Variants in ROBO2 observed in about 807,000 individuals in gnomAD.
The protein encoded by ROBO2 is roundabout homolog 2.
A neutral mutation model predicts 160.8 loss-of-function variants in ROBO2; 53 were observed. That is an observed-to-expected ratio of 0.33 (90% CI 0.26 to 0.41). The LOEUF (loss-of-function observed/expected upper bound fraction) is 0.41, where lower values mean the gene tolerates loss of function less well. Among genes scored for constraint, ROBO2 ranks in the 10% least tolerant of loss-of-function variants. The probability of loss-of-function intolerance (pLI) is 1.00; values close to 1 mark genes in which losing one functional copy is unlikely to be tolerated. For synonymous variants in ROBO2, 664 were observed against 611.7 expected (o/e 1.09, Z -1.26); for missense variants, 1,577 against 1,722.4 (o/e 0.92, Z 1.49).
At chr3:77,223,727 G>A (rs2086125971) in intron 2 of ROBO2, among the ~76,000 whole-genome samples, 1 of 152,012 alleles carries the variant, frequency 6.6e-6, no homozygotes, top group Non-Finnish European at 1.5e-5. Context: ...TGAAATCTGT[G>A]ACCTAGATTA....
intron 2 of ROBO2, among the ~76,000 whole-genome samples, chr3:77,302,689 G>T (rs1431962214): frequency 1.3e-5 from 2 of 151,978 alleles, no homozygotes; most frequent in African/African-American, 4.8e-5. Context: ...TGTAATTTCA[G>T]GTATCTATTG....
intron 1 of ROBO2, among the ~76,000 whole-genome samples, chr3:77,082,421 T>C (rs1439730597): frequency 1.3e-5 from 2 of 152,090 alleles, no homozygotes; most frequent in Non-Finnish European, 2.9e-5. Flanking sequence ...CTCTTAGCCC[T>C]GCCTGTGTTT....
At chr3:76,268,235 A>G (rs186747120) in intron 2 of ROBO2, among the ~76,000 whole-genome samples, 2 of 150,048 alleles carry the variant, frequency 1.3e-5, no homozygotes, top group East Asian at 4.0e-4. Flanking sequence ...GTGCCATTGC[A>G]CCCCATCCTG....
At chr3:77,335,557 C>T (rs1381831439) in intron 2 of ROBO2, among the ~76,000 whole-genome samples, 2 of 152,170 alleles carry the variant, frequency 1.3e-5, no homozygotes, top group African/African-American at 4.8e-5. Context: ...CTTCTATTCA[C>T]TCACCTAGGC....
intron 2 of ROBO2, among the ~76,000 whole-genome samples, chr3:77,415,430 G>A (rs752005672): frequency 6.6e-6 from 1 of 152,158 alleles, no homozygotes; most frequent in Non-Finnish European, 1.5e-5. Context: ...ATTGAAGGTT[G>A]AAAACCATTG....
At chr3:76,177,832 ATTG>A (rs1272638366) in intron 2 of ROBO2, among the ~76,000 whole-genome samples, 4 of 152,204 alleles carry the variant, frequency 2.6e-5, no homozygotes, top group African/African-American at 7.2e-5. Flanking sequence ...CCTACAATTT[ATTG>A]AGGCAAATAG....
chr3:77,573,472 T>C (rs949095899), intron 13 of ROBO2, among the ~76,000 whole-genome samples: 1 of 152,084 alleles, frequency 6.6e-6, no homozygotes, highest in Admixed American at 6.6e-5. Context: ...CTTCTTACTG[T>C]ATCTTAAATA....
chr3:76,466,756 C>T (rs1172374165), intron 2 of ROBO2, among the ~76,000 whole-genome samples: 1 of 151,898 alleles, frequency 6.6e-6, no homozygotes, highest in South Asian at 2.1e-4. Context: ...TTTGTACATT[C>T]AGAACATCAG....
chr3:77,530,396 C>T (rs529847462), intron 6 of ROBO2, among the ~76,000 whole-genome samples: 2 of 151,952 alleles, frequency 1.3e-5, no homozygotes, highest in African/African-American at 4.8e-5. Flanking sequence ...CATTACAAAC[C>T]CCCAAACTGA....
chr3:77,404,628 C>A (rs995069707), intron 2 of ROBO2, among the ~76,000 whole-genome samples: 2 of 151,932 alleles, frequency 1.3e-5, no homozygotes, highest in Non-Finnish European at 2.9e-5. Flanking sequence ...ACTAAGGTAA[C>A]GTTTTACAGG....
At chr3:76,050,008 A>G (rs923869884) in intron 2 of ROBO2, among the ~76,000 whole-genome samples, 5 of 152,214 alleles carry the variant, frequency 3.3e-5, no homozygotes, top group African/African-American at 9.6e-5. Flanking sequence ...GATGCTTGCC[A>G]TTCCCCAGTG....
At chr3:76,964,338 T>G (rs1365747573) in intron 2 of ROBO2, among the ~76,000 whole-genome samples, 2 of 151,998 alleles carry the variant, frequency 1.3e-5, no homozygotes, top group Non-Finnish European at 2.9e-5. Context: ...GTTTTTGTTT[T>G]GTTTTGTTTT....
intron 2 of ROBO2, among the ~76,000 whole-genome samples, chr3:76,412,764 G>A (rs2075560328): frequency 6.6e-6 from 1 of 152,154 alleles, no homozygotes; most frequent in Admixed American, 6.5e-5. Flanking sequence ...GCTTTCACTG[G>A]CTGGCGTTGA....
chr3:77,372,320 G>A (rs1366521243), intron 2 of ROBO2, among the ~76,000 whole-genome samples: 8 of 152,050 alleles, frequency 5.3e-5, no homozygotes, highest in Admixed American at 6.6e-5. Flanking sequence ...AATCAATATC[G>A]TCTCTATTTT....
chr3:76,684,409 A>G (rs555179261), intron 2 of ROBO2, among the ~76,000 whole-genome samples: 32 of 152,266 alleles, frequency 2.1e-4, no homozygotes, highest in Non-Finnish European at 4.4e-4. Flanking sequence ...GTATACGGTG[A>G]GTTAATTCTA....
intron 2 of ROBO2, among the ~76,000 whole-genome samples, chr3:76,588,945 C>T (rs1054440870): frequency 6.6e-6 from 1 of 152,198 alleles, no homozygotes; most frequent in Non-Finnish European, 1.5e-5. Context: ...GCTATCTGAG[C>T]ACAGTTTCTA....
At chr3:76,816,347 A>G (rs1466112457) in intron 2 of ROBO2, among the ~76,000 whole-genome samples, 1 of 152,122 alleles carries the variant, frequency 6.6e-6, no homozygotes, top group East Asian at 1.9e-4. Context: ...GCGAATGTAC[A>G]TGACAAATTG....
chr3:76,328,908 TTATATATATA>T (rs201466987), intron 2 of ROBO2, among the ~76,000 whole-genome samples: 2 of 136,026 alleles, frequency 1.5e-5, no homozygotes, highest in African/African-American at 2.8e-5. Flanking sequence ...ATTTATGTTA[TTATATATATA>T]TATATATATA....
chr3:77,317,360 G>A lies in ROBO2; in HGVS notation c.389-160054G>A, dbSNP rs1214597341. The A allele has an allele frequency of 2.8e-5, 25 of 890,016 alleles. 1 individual carries two copies. In the South Asian group the frequency reaches 3.4e-4, roughly 12 times the overall value. The allele number at this position is 890,016 out of a possible 1,614,324, so 55.1% of individuals were successfully genotyped here. A position where few individuals can be genotyped will look rare whatever the true frequency, so the allele number is the denominator to read the frequency against. ...CAAGCTGACCGTCCACGCTCATCTC[G>A]GTGCCTAGTGTATTGTCGGGGTTCC... is the stretch of plus-strand genomic sequence containing the variant. On this transcript the variant is annotated intron_variant, in intron 2 of 25. Transcript: ENST00000461745.
Sources: allele counts gnomAD v4.1 joint callset (sites outside exome capture counted in the v4.1 genomes callset), GRCh38; gene constraint gnomAD v4.1.1; transcripts MANE v1.5; gene names NCBI Gene and HGNC (gene_info 2026-07-23, HGNC 2026-07-21).